SCHIP1: variants seen among roughly 807,000 people sequenced by gnomAD.
SCHIP1 encodes schwannomin-interacting protein 1.
Under a neutral mutation model 29.7 loss-of-function variants are expected in SCHIP1, and 8 were observed. That is an observed-to-expected ratio of 0.27 (90% CI 0.16 to 0.49). The LOEUF (loss-of-function observed/expected upper bound fraction) is 0.49, where lower values mean the gene tolerates loss of function less well. Ranked by LOEUF, SCHIP1 falls within the 20% of genes least tolerant of loss-of-function variation. The pLI is 0.99. For synonymous variants in SCHIP1, 76 were observed against 94.9 expected, an observed-to-expected ratio of 0.80 and a Z score of 1.16; for missense variants, 193 against 294.6, an observed-to-expected ratio of 0.66 and a Z score of 2.52.
intron 5 of SCHIP1, among the ~76,000 whole-genome samples, chr3:159,890,700 A>T (rs957309416): frequency 6.6e-6 from 1 of 152,118 alleles, no homozygotes; most frequent in East Asian, 1.9e-4. Context: ...TCTTCCTTAG[A>T]CTTTTAAACA....
At chr3:159,392,307 C>CT in the SCHIP1 span, among the ~76,000 whole-genome samples, 2 of 152,018 alleles carry the variant, frequency 1.3e-5, no homozygotes, top group African/African-American at 4.8e-5. Flanking sequence ...TGCCAGCACT[C>CT]TTTTTTTCCT....
At chr3:159,620,781 A>G in the SCHIP1 span, among the ~76,000 whole-genome samples, 3 of 152,122 alleles carry the variant, frequency 2.0e-5, no homozygotes, top group African/African-American at 7.2e-5. Flanking sequence ...TCAGTTGACC[A>G]TGTCAGAAAA....
At chr3:159,760,742 G>T in the SCHIP1 span, among the ~76,000 whole-genome samples, 4 of 152,182 alleles carry the variant, frequency 2.6e-5, no homozygotes, top group Non-Finnish European at 5.9e-5. Flanking sequence ...GGAAGTCAAT[G>T]CAGTAAGGTG....
the SCHIP1 span, among the ~76,000 whole-genome samples, chr3:159,301,312 G>C: frequency 6.6e-6 from 1 of 152,122 alleles, no homozygotes; most frequent in Non-Finnish European, 1.5e-5. Context: ...CAGAGACCAT[G>C]CTCCTAACTG....
At chr3:159,778,151 G>C in the SCHIP1 span, among the ~76,000 whole-genome samples, 29 of 152,126 alleles carry the variant, frequency 1.9e-4, no homozygotes, top group Non-Finnish European at 1.0e-4. Context: ...CTGCCAGCAC[G>C]CCCAGCTAAT....
the SCHIP1 span, among the ~76,000 whole-genome samples, chr3:159,296,188 G>C: frequency 6.5e-3 from 966 of 147,778 alleles, 2 homozygotes; most frequent in African/African-American, 0.023. Flanking sequence ...TAAAATATTT[G>C]AGCCGAAATT....
the SCHIP1 span, among the ~76,000 whole-genome samples, chr3:159,804,770 T>C: frequency 6.6e-6 from 1 of 152,242 alleles, no homozygotes; most frequent in Non-Finnish European, 1.5e-5. Context: ...AGAATGTGTT[T>C]GTTTCATTGG....
At chr3:159,608,392 T>A in the SCHIP1 span, among the ~76,000 whole-genome samples, 1 of 152,218 alleles carries the variant, frequency 6.6e-6, no homozygotes, top group South Asian at 2.1e-4. Flanking sequence ...AAGTGACATA[T>A]TGCATTCTTT....
intron 4 of SCHIP1, chr3:159,888,529 G>A: frequency 3.6e-6 from 1 of 279,690 alleles, no homozygotes; most frequent in East Asian, 7.3e-5. Flanking sequence ...TGATATTATT[G>A]ATGTTCCTTG....
the SCHIP1 span, among the ~76,000 whole-genome samples, chr3:159,477,165 T>G: frequency 1.3e-5 from 2 of 152,194 alleles, no homozygotes; most frequent in South Asian, 4.1e-4. Flanking sequence ...AGTGTATATA[T>G]TCCACATTTT....
chr3:159,640,823 T>C, the SCHIP1 span, among the ~76,000 whole-genome samples: 1 of 152,136 alleles, frequency 6.6e-6, no homozygotes, highest in Non-Finnish European at 1.5e-5. Flanking sequence ...TGTGGAAAGA[T>C]CAGCTTCTCC....
At chr3:159,738,755 G>C in the SCHIP1 span, among the ~76,000 whole-genome samples, 1 of 152,222 alleles carries the variant, frequency 6.6e-6, no homozygotes, top group African/African-American at 2.4e-5. Context: ...ATTGTATATA[G>C]TGATAAAGCG....
chr3:159,631,214 T>C, the SCHIP1 span, among the ~76,000 whole-genome samples: 2 of 148,216 alleles, frequency 1.3e-5, no homozygotes, highest in African/African-American at 2.5e-5. Context: ...AATATGGAGA[T>C]ATCAAAACCC....
At chr3:159,479,649 T>G in the SCHIP1 span, among the ~76,000 whole-genome samples, 1 of 152,180 alleles carries the variant, frequency 6.6e-6, no homozygotes, top group East Asian at 1.9e-4. Context: ...ACATATAAGC[T>G]GTACCTTAAA....
the SCHIP1 span, among the ~76,000 whole-genome samples, chr3:159,452,256 C>T: frequency 3.3e-5 from 5 of 151,814 alleles, no homozygotes; most frequent in African/African-American, 1.2e-4. Context: ...AGGTTTTAAG[C>T]CCCACATGAA....
the SCHIP1 span, among the ~76,000 whole-genome samples, chr3:159,626,181 TAG>T: frequency 2.9e-5 from 3 of 101,804 alleles, no homozygotes; most frequent in East Asian, 3.1e-4. Flanking sequence ...TCTATCTATC[TAG>T]ATAGATAGAT....
the SCHIP1 span, among the ~76,000 whole-genome samples, chr3:159,539,119 C>T: frequency 1.3e-5 from 2 of 151,964 alleles, no homozygotes; most frequent in African/African-American, 2.4e-5. Context: ...GCAATATGAA[C>T]CCATAAAGAT....
chr3:159,435,069 C>T, the SCHIP1 span, among the ~76,000 whole-genome samples: 4 of 152,128 alleles, frequency 2.6e-5, no homozygotes, highest in Non-Finnish European at 5.9e-5. Context: ...AGATACTGTG[C>T]ACACTTTAAC....
chr3:159,555,091 A>C, the SCHIP1 span, among the ~76,000 whole-genome samples: 2 of 152,166 alleles, frequency 1.3e-5, no homozygotes, highest in Non-Finnish European at 2.9e-5. Flanking sequence ...CTTTCCTTAC[A>C]CTTGCTTTAA....
Sources: allele counts gnomAD v4.1 joint callset (sites outside exome capture counted in the v4.1 genomes callset), GRCh38; gene constraint gnomAD v4.1.1; transcripts MANE v1.5; gene names NCBI Gene and HGNC (gene_info 2026-07-23, HGNC 2026-07-21).